Variants in TSPEAR observed in about 807,000 individuals in gnomAD.
The protein encoded by TSPEAR is thrombospondin-type laminin G domain and EAR repeat-containing protein.
Under a neutral mutation model 71.6 loss-of-function variants are expected in TSPEAR, and 69 were observed. The ratio of observed to expected loss-of-function variants is 0.96; its 90% CI spans 0.79 to 1.18. TSPEAR has a LOEUF of 1.18. TSPEAR is among the 50% of genes most tolerant of loss of function. The pLI is 0.00. For synonymous variants in TSPEAR, 402 were observed against 387.2 expected, an observed-to-expected ratio of 1.04 and a Z score of -0.45; for missense variants, 971 against 894.9, an observed-to-expected ratio of 1.09 and a Z score of -1.09.
At chr21:44,508,424 C>T (rs1044436056) in intron 10 of TSPEAR, 14 of 1,004,214 alleles carry the variant, frequency 1.4e-5, no homozygotes, top group Middle Eastern at 4.9e-4. Context: ...CTGGGAAAGC[C>T]GCCTGCTCCA....
intron 1 of TSPEAR, among the ~76,000 whole-genome samples, chr21:44,576,723 T>C (rs182599519): frequency 5.3e-5 from 8 of 152,302 alleles, no homozygotes; most frequent in African/African-American, 1.7e-4. Context: ...CAAACCTCAC[T>C]CTGTCTTCAG....
At chr21:44,677,904 G>T (rs1486613563) in intron 1 of TSPEAR, 5 of 1,400,512 alleles carry the variant, frequency 3.6e-6, no homozygotes, top group Non-Finnish European at 5.0e-6. Flanking sequence ...ATATAGGATA[G>T]TGCCACCAAT....
intron 1 of TSPEAR, among the ~76,000 whole-genome samples, chr21:44,704,665 G>T (rs1220150970): frequency 6.6e-6 from 1 of 152,150 alleles, no homozygotes; most frequent in South Asian, 2.1e-4. Context: ...TCCAGGATGG[G>T]CCCACAGGAA....
chr21:44,611,616 G>A (rs143878324), intron 1 of TSPEAR, among the ~76,000 whole-genome samples: 23 of 152,306 alleles, frequency 1.5e-4, no homozygotes, highest in African/African-American at 5.1e-4. Context: ...GGGGAGCCAG[G>A]GGGCATTCCT....
At chr21:44,558,096 G>A (rs587627364) in intron 2 of TSPEAR, 1 of 1,609,036 alleles carries the variant, frequency 6.2e-7, no homozygotes, top group African/African-American at 1.3e-5. Flanking sequence ...GCACGCGGAA[G>A]AGAGGCGGGA....
At chr21:44,531,413 G>A (rs933649515) in intron 3 of TSPEAR, among the ~76,000 whole-genome samples, 2 of 152,152 alleles carry the variant, frequency 1.3e-5, no homozygotes, top group Non-Finnish European at 2.9e-5. Context: ...TGGCCATGTC[G>A]CTCCAGTGTC....
At chr21:44,635,213 G>T (rs1555936418) in intron 1 of TSPEAR, among the ~76,000 whole-genome samples, 1 of 151,926 alleles carries the variant, frequency 6.6e-6, no homozygotes, top group Admixed American at 6.6e-5. Context: ...GGGTGTGGTG[G>T]TGCGCACCTG....
intron 1 of TSPEAR, among the ~76,000 whole-genome samples, chr21:44,699,377 CAAAAAAAA>C (rs55846070): frequency 1.5e-5 from 1 of 65,394 alleles, no homozygotes; most frequent in Admixed American, 1.9e-4. Flanking sequence ...GACACTGTCT[CAAAAAAAA>C]AAAAAAAAAA....
intron 2 of TSPEAR, among the ~76,000 whole-genome samples, chr21:44,545,280 T>G (rs1337535006): frequency 6.6e-6 from 1 of 151,482 alleles, no homozygotes; most frequent in Non-Finnish European, 1.5e-5. Flanking sequence ...ATCGTGCCAC[T>G]GCACTCCAGC....
intron 1 of TSPEAR, chr21:44,654,772 C>T (rs1389809998): frequency 3.4e-6 from 2 of 594,856 alleles, no homozygotes; most frequent in East Asian, 5.5e-5. Flanking sequence ...TCTGGTTGAT[C>T]TTTCTGTGTT....
At chr21:44,503,338 G>A (rs587596810) in intron 11 of TSPEAR, among the ~76,000 whole-genome samples, 288 of 140,056 alleles carry the variant, frequency 2.1e-3, no homozygotes, top group Non-Finnish European at 3.5e-3. Context: ...GTGAGCCCTC[G>A]GGGGGAAGCA....
At chr21:44,671,776 G>T (rs1040169280) in intron 1 of TSPEAR, among the ~76,000 whole-genome samples, 2 of 152,062 alleles carry the variant, frequency 1.3e-5, no homozygotes, top group African/African-American at 2.4e-5. Context: ...TCAATATAAG[G>T]ACTCAAGAAA....
At chr21:44,706,944 C>T (rs1555952503) in intron 1 of TSPEAR, among the ~76,000 whole-genome samples, 1 of 152,196 alleles carries the variant, frequency 6.6e-6, no homozygotes, top group Non-Finnish European at 1.5e-5. Context: ...GAGATGGGGT[C>T]CCCCCACCCC....
At chr21:44,677,623 A>G in intron 1 of TSPEAR, 2 of 1,146,182 alleles carry the variant, frequency 1.7e-6, no homozygotes. Context: ...GTTTTTAAAG[A>G]TTCCTCATGC....
chr21:44,580,328 C>T, intron 1 of TSPEAR: 1 of 1,614,104 alleles, frequency 6.2e-7, no homozygotes, highest in Admixed American at 1.7e-5. Flanking sequence ...GGCCTGCTGG[C>T]AGGGGGAGGA....
At chr21:44,608,868 G>A (rs1357269558) in intron 1 of TSPEAR, among the ~76,000 whole-genome samples, 2 of 152,206 alleles carry the variant, frequency 1.3e-5, no homozygotes, top group Non-Finnish European at 2.9e-5. Context: ...ACTTTTGGGA[G>A]CACAATGAAG....
intron 8 of TSPEAR, among the ~76,000 whole-genome samples, chr21:44,524,829 CA>C (rs1365239911): frequency 1.3e-3 from 203 of 151,152 alleles, no homozygotes; most frequent in African/African-American, 4.7e-3. Flanking sequence ...GGTAGTTAGT[CA>C]ATCAGTCAGT....
intron 1 of TSPEAR, among the ~76,000 whole-genome samples, chr21:44,590,239 CAGAA>C (rs1979684422): frequency 6.6e-6 from 1 of 152,258 alleles, no homozygotes; most frequent in Non-Finnish European, 1.5e-5. Context: ...AGCGACCTGG[CAGAA>C]AGAGTGCAGC....
intron 2 of TSPEAR, among the ~76,000 whole-genome samples, chr21:44,557,608 C>A (rs782585951): frequency 1.2e-4 from 19 of 152,280 alleles, no homozygotes; most frequent in Middle Eastern, 3.4e-3. Context: ...CCTGGAGACG[C>A]TGAGGCTGGC....
Sources: allele counts gnomAD v4.1 joint callset (sites outside exome capture counted in the v4.1 genomes callset), GRCh38; gene constraint gnomAD v4.1.1; transcripts MANE v1.5; gene names NCBI Gene and HGNC (gene_info 2026-07-23, HGNC 2026-07-21).